The following THAP4 variants were observed in gnomAD, a reference collection of about 807,000 sequenced individuals.
THAP4 encodes the protein THAP domain containing 4.
Under a neutral mutation model 48.1 loss-of-function variants are expected in THAP4, and 18 were observed. That is an observed-to-expected ratio of 0.37 (90% CI 0.26 to 0.56). The LOEUF (loss-of-function observed/expected upper bound fraction) is 0.56, where lower values mean the gene tolerates loss of function less well. THAP4 is among the 20% of genes least tolerant of loss of function. The pLI is 0.78. For missense variants in THAP4, 656 were observed against 774.9 expected, an observed-to-expected ratio of 0.85 and a Z score of 1.82; for synonymous variants, 345 against 324.9, an observed-to-expected ratio of 1.06 and a Z score of -0.66.
At chr2:241,608,550 G>A (rs557114284) in intron 2 of THAP4, among the ~76,000 whole-genome samples, 7 of 152,212 alleles carry the variant, frequency 4.6e-5, no homozygotes, top group African/African-American at 1.7e-4. Context: ...AATCTTTCAC[G>A]GAGATAAGGA....
intron 2 of THAP4, among the ~76,000 whole-genome samples, chr2:241,626,096 A>G (rs1297690282): frequency 1.3e-5 from 2 of 152,194 alleles, no homozygotes; most frequent in Admixed American, 6.5e-5. Flanking sequence ...CCCATTCATG[A>G]TAACAGCTCT....
chr2:241,626,582 T>C (rs1441661881), intron 2 of THAP4, among the ~76,000 whole-genome samples: 1 of 151,942 alleles, frequency 6.6e-6, no homozygotes, highest in East Asian at 1.9e-4. Context: ...TTTTTTTTTT[T>C]AGACGGAGTC....
In THAP4 at chr2:241,603,154, T is replaced by C; in HGVS notation, c.1401-75A>G. 6.7e-6 allele frequency: 8 copies of C among 1,199,838 alleles called. No homozygotes were observed. The South Asian group carries it at 9.8e-5, about 15-fold the overall frequency. 74.3% of individuals were successfully genotyped at this position (1,199,838 alleles called of 1,614,324 possible). On this transcript the variant is annotated intron_variant, in intron 3 of 5. Coordinates refer to ENST00000407315, the MANE Select transcript of THAP4 (RefSeq NM_015963.6). ...GCGTGGGCTGCGTGGATGCCAGAAC[T>C]GTCCAGGGTGCCCTCCAGGTGGCTG...
chr2:241,602,075 C>T, intron 4 of THAP4, 76 bp from the exon 5 acceptor site: 3 of 1,440,856 alleles, frequency 2.1e-6, no homozygotes, highest in South Asian at 2.5e-5. Flanking sequence ...TCCTTGCCTG[C>T]AAGCCGGGAC....
rs189920118 is a variant in THAP4 at position 241,595,527 on chromosome 2, C to T, written c.1614+6369G>A. Among the ~76,000 whole-genome samples, 33 of 151,832 alleles carry T rather than the reference C, an allele frequency of 2.2e-4. 1 individual carries two copies. The highest frequency in any genetic ancestry group is 2.1e-3 in the Admixed American group (32 of 15,252). On this transcript the variant is annotated intron_variant, in intron 5 of 5. Transcript: ENST00000407315. ...TGGCACGTGCCTGTAATCCCAGCTA[C>T]TCGGGAGGCTGAGGCAGGAGAATCG...
rs1175852721 is a variant in THAP4 at position 241,585,912 on chromosome 2, C to CAA, written c.1615-1189_1615-1188dup. On this transcript the variant is annotated intron_variant, in intron 5 of 5. Transcript: ENST00000407315. ...TGGGTGACAGAGCAAGACTCCTTCT[C>CAA]AAAAAAAAAAAAAAAAAGAAAAAAA... Among the ~76,000 whole-genome samples the CAA allele has an allele frequency of 4.1e-3, 114 of 28,144 alleles. 5 individuals are homozygous for CAA. The highest frequency in any genetic ancestry group is 9.3e-3 in the African/African-American group (75 of 8,106). The allele number at this position is 28,144 out of a possible 152,430, so 18.5% of individuals were successfully genotyped here.
chr2:241,594,813 G>A (rs952729769), intron 5 of THAP4: 3 of 177,644 alleles, frequency 1.7e-5, no homozygotes, highest in African/African-American at 4.8e-5. Context: ...GTGGTGGTGC[G>A]CATTCGCAGT....
Position 241,633,528 on chromosome 2 carries a change from A to G in THAP4, c.629T>C (p.Val210Ala). ...ESATSSIEGG[V>A]TDKSGISMDD... is the part of the protein sequence containing the mutation. Reference sequence around the variant, plus strand: ...CATAGAAATGCCACTCTTATCTGTCACGCCCCCTTCGATGGAGGAAGTGGC... The same window carrying G: ...CATAGAAATGCCACTCTTATCTGTCGCGCCCCCTTCGATGGAGGAAGTGGC... The change falls in exon 2 of 6, where the codon GTG (valine) becomes GCG (alanine). Residue 210 changes from valine to alanine, a missense_variant. Val to Ala is a moderately conservative substitution (Grantham distance 64). Transcript: ENST00000407315. This position sits in a 1 kb window ranked among gnomAD's most constrained non-coding sequence, Gnocchi z 7.5. The G allele has an allele frequency of 6.2e-7, 1 of 1,613,972 alleles. No individual in the cohort carries two copies. Among genetic ancestry groups the G allele is most frequent in the Admixed American group, 1.7e-5 (1 of 60,018 alleles).
At chr2:241,596,112 T>G (rs1251340929) in intron 5 of THAP4, among the ~76,000 whole-genome samples, 1 of 152,142 alleles carries the variant, frequency 6.6e-6, no homozygotes, top group Non-Finnish European at 1.5e-5. Context: ...GGCCTCCCAG[T>G]GAACCTGGCT....
At chr2:241,604,218 C>T (rs2067152047) in intron 3 of THAP4, among the ~76,000 whole-genome samples, 2 of 151,916 alleles carry the variant, frequency 1.3e-5, no homozygotes, top group South Asian at 4.2e-4. Flanking sequence ...GGATTACAGG[C>T]GCCCACCACA....
intron 5 of THAP4, among the ~76,000 whole-genome samples, chr2:241,587,266 G>A (rs2125065063): frequency 6.6e-6 from 1 of 152,296 alleles, no homozygotes; most frequent in Non-Finnish European, 1.5e-5. Flanking sequence ...ACAAAGATAA[G>A]GCGAATATGT....
At chr2:241,585,476 A>T (rs550815600) in intron 5 of THAP4, among the ~76,000 whole-genome samples, 1 of 152,168 alleles carries the variant, frequency 6.6e-6, no homozygotes, top group South Asian at 2.1e-4. Context: ...TAACTGACCA[A>T]CCCTCCTGCA....
chr2:241,636,811 GCCCGCTCC>G lies in THAP4; in HGVS notation c.77+122_77+129del, dbSNP rs1360371037. On this transcript the variant is annotated intron_variant, in intron 1 of 5. Coordinates refer to ENST00000407315, the MANE Select transcript of THAP4 (RefSeq NM_015963.6). ...CGGGCCAAGGTCACACAGCGCCCAC[GCCCGCTCC>G]CCCGCGCCCCGGCCGCCGAGGCCCG... is the stretch of plus-strand genomic sequence containing the variant. The G allele has an allele frequency of 1.0e-5, 4 of 381,780 alleles. 1 individual carries two copies. The highest frequency in any genetic ancestry group is 2.6e-3 in the Middle Eastern group (2 of 764). 23.6% of individuals were successfully genotyped at this position (381,780 alleles called of 1,614,324 possible).
chr2:241,603,956 G>C (rs2125077854), intron 3 of THAP4, among the ~76,000 whole-genome samples: 1 of 150,832 alleles, frequency 6.6e-6, no homozygotes, highest in South Asian at 2.1e-4. Context: ...ATTTGAGACA[G>C]GGCTGGGCAA....
chr2:241,617,407 C>T, intron 2 of THAP4: 1 of 1,547,184 alleles, frequency 6.5e-7, no homozygotes, highest in Non-Finnish European at 8.7e-7. Context: ...TGAAAGCAGG[C>T]TTACCCATCC....
Position 241,637,139 on chromosome 2 carries a change from T to C in THAP4, c.-122A>G, listed in dbSNP as rs1274535388. The C allele has an allele frequency of 2.0e-6, 2 of 992,148 alleles. No homozygotes were observed. The highest frequency in any genetic ancestry group is 1.1e-4 in the East Asian group (1 of 8,996). The allele number at this position is 992,148 out of a possible 1,614,324, so 61.5% of individuals were successfully genotyped here. ...TCGGGACGTGGGCCGGCCCGCGGCG[T>C]CCGCGCCGTACGGCAAGATGGAGGC... is the stretch of plus-strand genomic sequence containing the variant. On this transcript the variant is annotated 5_prime_UTR_variant, in exon 1 of 6. Coordinates refer to ENST00000407315, the MANE Select transcript of THAP4 (RefSeq NM_015963.6).
chr2:241,603,656 T>G (rs568637147), intron 3 of THAP4, among the ~76,000 whole-genome samples: 1 of 152,340 alleles, frequency 6.6e-6, no homozygotes, highest in African/African-American at 2.4e-5. Flanking sequence ...CCCTCAGCAC[T>G]CCCTTGCAGT....
At chr2:241,606,602 A>G in intron 2 of THAP4, 129 bp from the exon 3 acceptor site, 1 of 895,454 alleles carries the variant, frequency 1.1e-6, no homozygotes, top group Non-Finnish European at 1.6e-6. Context: ...GGACCTGTCA[A>G]GAGCGGGAGA....
At chr2:241,628,600 T>G (rs1211179399) in intron 2 of THAP4, among the ~76,000 whole-genome samples, 1 of 149,978 alleles carries the variant, frequency 6.7e-6, no homozygotes, top group Non-Finnish European at 1.5e-5. Flanking sequence ...GTCTGAGCCA[T>G]CGCCATCTAC....
Sources: allele counts gnomAD v4.1 joint callset (sites outside exome capture counted in the v4.1 genomes callset), GRCh38; gene constraint gnomAD v4.1.1; non-coding constraint Gnocchi (gnomAD v3.1); transcripts MANE v1.5; gene names NCBI Gene and HGNC (gene_info 2026-07-23, HGNC 2026-07-21).